The following POU2F3 variants were observed in gnomAD, a reference collection of about 807,000 sequenced individuals.
POU2F3 encodes POU domain, class 2, transcription factor 3.
In POU2F3, 23 loss-of-function variants were observed where a neutral mutation model predicts 59.2. The observed-to-expected ratio is 0.39, with a 90% CI of 0.28 to 0.55. The LOEUF (loss-of-function observed/expected upper bound fraction) is 0.55. POU2F3 is among the 20% of genes least tolerant of loss of function. POU2F3 has a pLI of 0.66. For synonymous variants in POU2F3, 190 were observed against 214.6 expected (o/e 0.89, Z 1.00); for missense variants, 473 against 544.5 (o/e 0.87, Z 1.31).
chr11:120,236,987 C>A (rs1352610410), upstream of POU2F3, among the ~76,000 whole-genome samples: 1 of 152,160 alleles, frequency 6.6e-6, no homozygotes, highest in African/African-American at 2.4e-5. Flanking sequence ...TCAATGATAT[C>A]TAGGTTCTTT....
In POU2F3 at chr11:120,299,660, C is replaced by T; in HGVS notation, c.295C>T (p.Leu99=). The change falls in exon 5 of 13, where the codon CTG becomes TTG. Residue 99 remains leucine (L), a synonymous_variant. Transcript: ENST00000543440. ...CCTCCATCCGCTCCAGCAGCTTGTG[C>T]TGGTTCCCGGCCACTTACAGTCTGT... ...ASLHPLQQLV[L]VPGHLQSVSQ... is the part of the protein sequence containing the mutation. 1 of 1,613,888 alleles carries T rather than the reference C, an allele frequency of 6.2e-7. No individual in the cohort carries two copies.
Position 120,318,677 on chromosome 11 carries a change from T to G in POU2F3, c.*285T>G. On this transcript the variant is annotated 3_prime_UTR_variant, in exon 13 of 13. Transcript: ENST00000543440. ...CCTTGCCTTCTAGTTCCAAATATTT[T>G]AGCCAGCTTCACTGTGGCAATAGTC... The G allele has an allele frequency of 1.5e-5, 5 of 336,528 alleles. No individual in the cohort carries two copies. Among genetic ancestry groups the G allele is most frequent in the Non-Finnish European group, 2.1e-5 (4 of 187,198 alleles). The allele number at this position is 336,528 out of a possible 1,614,324, so 20.8% of individuals were successfully genotyped here.
intron 2 of POU2F3, among the ~76,000 whole-genome samples, chr11:120,247,817 C>A (rs1441960818): frequency 2.0e-5 from 3 of 152,242 alleles, no homozygotes; most frequent in Non-Finnish European, 2.9e-5. Flanking sequence ...TCCAGAGAGG[C>A]TGGATTGCCC....
At chr11:120,262,455 T>A (rs1394575500) in intron 2 of POU2F3, among the ~76,000 whole-genome samples, 1 of 152,236 alleles carries the variant, frequency 6.6e-6, no homozygotes, top group Admixed American at 6.5e-5. Context: ...ATTACTGGAA[T>A]ATTTTCTTTT....
intron 3 of POU2F3, among the ~76,000 whole-genome samples, chr11:120,280,640 G>GAGAC (rs939195320): frequency 1.6e-4 from 23 of 145,132 alleles, no homozygotes; most frequent in Admixed American, 7.4e-4. Context: ...AAAAGAGAGA[G>GAGAC]AGAGAGAGTG....
intron 3 of POU2F3, 53 bp downstream of exon 3, chr11:120,269,297 C>T: frequency 7.1e-7 from 1 of 1,412,262 alleles, no homozygotes; most frequent in Non-Finnish European, 1.0e-6. Context: ...TGGGCATCAC[C>T]TATACTGTCT....
chr11:120,249,730 T>A (rs1393057974), intron 2 of POU2F3: 1 of 152,022 alleles, frequency 6.6e-6, no homozygotes, highest in Admixed American at 6.6e-5. Flanking sequence ...GAGGGAGAGA[T>A]CGTAACATTC....
Position 120,307,633 on chromosome 11 carries a change from G to T in POU2F3, c.906+18G>T, listed in dbSNP as rs1565388347. 1.9e-6 allele frequency: 3 copies of T among 1,613,224 alleles called. No homozygotes were observed. The highest frequency in any genetic ancestry group is 2.2e-5 in the South Asian group (2 of 91,024). ...TTCAAGATGTGAGCAGCACCTTCGG[G>T]TGGGCACGGGTGGGCTACCTCACAC... On this transcript the variant is annotated intron_variant, in intron 9 of 12. Coordinates refer to ENST00000543440, the MANE Select transcript of POU2F3 (RefSeq NM_014352.4).
chr11:120,292,829 C>T (rs1941070501), intron 3 of POU2F3, among the ~76,000 whole-genome samples: 1 of 152,198 alleles, frequency 6.6e-6, no homozygotes, highest in Non-Finnish European at 1.5e-5. Context: ...GGCACAGCGC[C>T]CTCCCAACAT....
At chr11:120,313,235 G>C (rs1032129509) in intron 10 of POU2F3, among the ~76,000 whole-genome samples, 2 of 152,174 alleles carry the variant, frequency 1.3e-5, no homozygotes, top group Non-Finnish European at 1.5e-5. Context: ...GTGAGAAATG[G>C]AGGGGGCCTA....
intron 9 of POU2F3, among the ~76,000 whole-genome samples, chr11:120,308,743 G>A (rs1296342045): frequency 1.3e-5 from 2 of 151,832 alleles, no homozygotes; most frequent in African/African-American, 4.8e-5. Context: ...TTCAAGACCA[G>A]CCTGCCCAAC....
intron 6 of POU2F3, 187 bp downstream of exon 6, chr11:120,302,555 T>C (rs1009394228): frequency 3.5e-6 from 2 of 569,648 alleles, no homozygotes; most frequent in Non-Finnish European, 6.1e-6. Context: ...TTACCAAGTG[T>C]CACTGGTGGG....
At chr11:120,284,278 G>A (rs902382177) in intron 3 of POU2F3, among the ~76,000 whole-genome samples, 4 of 152,178 alleles carry the variant, frequency 2.6e-5, no homozygotes, top group African/African-American at 7.2e-5. Flanking sequence ...TGGGGGCCAC[G>A]AATGCCCATC....
chr11:120,298,420 T>G, intron 4 of POU2F3, 30 bp downstream of exon 4: 1 of 1,612,718 alleles, frequency 6.2e-7, no homozygotes, highest in African/African-American at 1.3e-5. Flanking sequence ...AGTGGGCCAG[T>G]GTGTTTAACC....
chr11:120,271,966 T>C (rs1042031982), intron 3 of POU2F3, among the ~76,000 whole-genome samples: 27 of 151,844 alleles, frequency 1.8e-4, no homozygotes, highest in Non-Finnish European at 1.5e-5. Context: ...AGGCTGGAGC[T>C]CTCCTCCGCT....
chr11:120,278,008 A>G (rs12284383), intron 3 of POU2F3, among the ~76,000 whole-genome samples: 41,283 of 152,064 alleles, frequency 0.27, 6,629 homozygotes, highest in African/African-American at 0.43. Flanking sequence ...CAAAAGCCAC[A>G]ATCTTTCAAA....
At chr11:120,316,995 C>T (rs1289100160) in intron 11 of POU2F3, among the ~76,000 whole-genome samples, 1 of 152,158 alleles carries the variant, frequency 6.6e-6, no homozygotes, top group African/African-American at 2.4e-5. Context: ...GCAGAACCAG[C>T]CACACCACTC....
intron 3 of POU2F3, among the ~76,000 whole-genome samples, chr11:120,279,380 G>A (rs1215245632): frequency 1.3e-5 from 2 of 152,098 alleles, no homozygotes; most frequent in Admixed American, 6.6e-5. Context: ...ATAATGTCTG[G>A]TATACAATAA....
intron 11 of POU2F3, 97 bp from the exon 12 acceptor site, chr11:120,317,132 G>A: frequency 2.1e-6 from 3 of 1,454,956 alleles, no homozygotes; most frequent in South Asian, 1.2e-5. Context: ...TCCCTTTGGG[G>A]ATACACCAGG....
Sources: gnomAD v4.1 joint callset for allele counts (sites outside exome capture counted in the v4.1 genomes callset) on GRCh38, gnomAD v4.1.1 for gene constraint, MANE v1.5 for transcripts, NCBI Gene and HGNC (gene_info 2026-07-23, HGNC 2026-07-21) for gene names.